TMEM232: variants seen among roughly 807,000 people sequenced by gnomAD.
TMEM232 encodes transmembrane protein 232.
In TMEM232, 80 loss-of-function variants were observed where a neutral mutation model predicts 78.8. That is an observed-to-expected ratio of 1.01 (90% CI 0.85 to 1.22). The LOEUF is 1.22. Ranked by LOEUF, TMEM232 falls within the 50% of genes most tolerant of loss-of-function variation. TMEM232 has a pLI of 0.00. For synonymous variants in TMEM232, 297 were observed against 254.3 expected (o/e 1.17, Z -1.60); for missense variants, 881 against 742.2 (o/e 1.19, Z -2.17).
intron 10 of TMEM232, among the ~76,000 whole-genome samples, chr5:110,598,214 T>C (rs1195276979): frequency 1.3e-5 from 2 of 151,786 alleles, no homozygotes; most frequent in African/African-American, 2.4e-5. Context: ...TGAATAGACA[T>C]TTCTCAAAAG....
At chr5:110,444,660 G>A (rs1406613563) in intron 12 of TMEM232, among the ~76,000 whole-genome samples, 6 of 152,116 alleles carry the variant, frequency 3.9e-5, no homozygotes, top group Admixed American at 1.3e-4. Flanking sequence ...TAGTTGCCAC[G>A]TTTTGTGGTC....
At chr5:110,439,003 AT>A (rs943536019) in intron 12 of TMEM232, among the ~76,000 whole-genome samples, 5 of 152,164 alleles carry the variant, frequency 3.3e-5, no homozygotes, top group Admixed American at 3.3e-4. Flanking sequence ...TAAATAAGAT[AT>A]TTTTATCTCA....
chr5:110,675,064 CAG>C, intron 1 of TMEM232, among the ~76,000 whole-genome samples: 1 of 148,948 alleles, frequency 6.7e-6, no homozygotes, highest in East Asian at 2.0e-4. Flanking sequence ...TATTTTGAGA[CAG>C]AGTCTTCCTC....
At chr5:110,520,348 C>T (rs1451214483) in intron 12 of TMEM232, among the ~76,000 whole-genome samples, 3 of 151,708 alleles carry the variant, frequency 2.0e-5, no homozygotes, top group South Asian at 2.1e-4. Flanking sequence ...ACCATAGCTT[C>T]AAAGAGTAGA....
chr5:110,388,806 A>AT (rs1345299032), intron 4 of TMEM232, among the ~76,000 whole-genome samples: 1 of 152,196 alleles, frequency 6.6e-6, no homozygotes, highest in Non-Finnish European at 1.5e-5. Flanking sequence ...GTACATGCAG[A>AT]ATCGGGGTGG....
chr5:110,427,022 C>T (rs1757314008), intron 12 of TMEM232, among the ~76,000 whole-genome samples: 1 of 151,924 alleles, frequency 6.6e-6, no homozygotes, highest in Non-Finnish European at 1.5e-5. Flanking sequence ...TATGCTTATA[C>T]ATCTGTGATT....
chr5:110,445,993 G>T (rs995453204), intron 12 of TMEM232, among the ~76,000 whole-genome samples: 18 of 152,148 alleles, frequency 1.2e-4, no homozygotes, highest in South Asian at 2.1e-4. Flanking sequence ...CACATTCAAA[G>T]AAAGAGATTA....
intron 1 of TMEM232, among the ~76,000 whole-genome samples, chr5:110,668,553 A>C (rs1790914419): frequency 6.6e-6 from 1 of 152,190 alleles, no homozygotes; most frequent in Non-Finnish European, 1.5e-5. Flanking sequence ...TCACAGACAC[A>C]AAATGTCATT....
chr5:110,425,882 CTG>C (rs1757177911), intron 12 of TMEM232, among the ~76,000 whole-genome samples: 1 of 152,054 alleles, frequency 6.6e-6, no homozygotes, highest in Admixed American at 6.6e-5. Flanking sequence ...CTACATCAAA[CTG>C]TTCATTATTT....
chr5:110,468,219 T>C lies in TMEM232; in HGVS notation c.1704-43303A>G, dbSNP rs561094928. ...CAATGAAATAACATCTTTTAAATTT[T>C]GAAAGAAAATAATCACCAATCCAAA... On this transcript the variant is annotated intron_variant, in intron 12 of 13. Transcript: ENST00000455884. Among the ~76,000 whole-genome samples, 121 of 152,234 alleles carry C rather than the reference T, an allele frequency of 7.9e-4. 1 individual carries two copies. Among genetic ancestry groups the C allele is most frequent in the African/African-American group, 2.9e-3 (119 of 41,572 alleles).
chr5:110,493,784 C>CT (rs111239203), intron 12 of TMEM232, among the ~76,000 whole-genome samples: 9,012 of 146,978 alleles, frequency 0.061, 888 homozygotes, highest in African/African-American at 0.21. Flanking sequence ...TGCCAAATAT[C>CT]TTTTTTTTTT....
chr5:110,437,192 T>A (rs1758529360), intron 12 of TMEM232, among the ~76,000 whole-genome samples: 1 of 152,086 alleles, frequency 6.6e-6, no homozygotes, highest in African/African-American at 2.4e-5. Context: ...ATGTATTTAA[T>A]TTTATTTGTA....
At chr5:110,500,412 A>T (rs2149441766) in intron 12 of TMEM232, among the ~76,000 whole-genome samples, 1 of 152,230 alleles carries the variant, frequency 6.6e-6, no homozygotes, top group Non-Finnish European at 1.5e-5. Flanking sequence ...ATGACAGCTT[A>T]AAATGTCCAA....
intron 4 of TMEM232, among the ~76,000 whole-genome samples, chr5:110,389,624 T>C (rs1755108894): frequency 6.6e-6 from 1 of 152,186 alleles, no homozygotes; most frequent in Non-Finnish European, 1.5e-5. Flanking sequence ...AAATTCACCA[T>C]CAATTGCACA....
intron 1 of TMEM232, among the ~76,000 whole-genome samples, chr5:110,722,589 G>C (rs79151028): frequency 2.3e-3 from 344 of 152,280 alleles, no homozygotes; most frequent in African/African-American, 7.4e-3. Context: ...TTCCCCCAGA[G>C]AGAACAATCC....
chr5:110,407,229 C>G (rs1175285925), intron 2 of TMEM232, among the ~76,000 whole-genome samples: 2 of 151,952 alleles, frequency 1.3e-5, no homozygotes, highest in African/African-American at 4.8e-5. Flanking sequence ...TGTGTCAATT[C>G]TCCATTGAAA....
rs867019513 is a variant in TMEM232 at position 110,558,666 on chromosome 5, A to G, written c.1455+9781T>C. Among the ~76,000 whole-genome samples, 7 of 152,252 alleles carry G rather than the reference A, an allele frequency of 4.6e-5. No homozygotes were observed. The South Asian group carries it at 1.2e-3, about 27-fold the overall frequency. On this transcript the variant is annotated intron_variant, in intron 11 of 13. Transcript: ENST00000455884. Reference sequence around the variant, plus strand: ...CAAGTCCAACAGTCAATAAAGGCCAAAGACACCTAGAGAAGCATGGTAAAC... The same window carrying G: ...CAAGTCCAACAGTCAATAAAGGCCAGAGACACCTAGAGAAGCATGGTAAAC...
At chr5:110,453,342 G>A (rs143249438) in intron 12 of TMEM232, among the ~76,000 whole-genome samples, 6 of 151,574 alleles carry the variant, frequency 4.0e-5, no homozygotes, top group East Asian at 1.9e-4. Flanking sequence ...TCACTCCATC[G>A]CCAGGCTGGA....
chr5:110,663,785 T>G (rs1195164015), intron 2 of TMEM232, among the ~76,000 whole-genome samples: 2 of 151,224 alleles, frequency 1.3e-5, no homozygotes, highest in Non-Finnish European at 3.0e-5. Context: ...ATATACAATA[T>G]TCAGATACTT....
Sources: gnomAD v4.1 joint callset for allele counts (sites outside exome capture counted in the v4.1 genomes callset) on GRCh38, gnomAD v4.1.1 for gene constraint, MANE v1.5 for transcripts, NCBI Gene and HGNC (gene_info 2026-07-23, HGNC 2026-07-21) for gene names.